The following CYP4F22 variants were observed in gnomAD, a reference collection of about 807,000 sequenced individuals.
The protein encoded by CYP4F22 is cytochrome P450 family 4 subfamily F member 22, also known as ultra-long-chain fatty acid omega-hydroxylase.
In CYP4F22, 37 loss-of-function variants were observed where a neutral mutation model predicts 60.4. The ratio of observed to expected loss-of-function variants is 0.61; its 90% CI spans 0.47 to 0.81. CYP4F22 has a LOEUF of 0.81. Among genes scored for constraint, CYP4F22 ranks in the 30% least tolerant of loss-of-function variants. The pLI, the probability that CYP4F22 is intolerant of heterozygous loss-of-function variation, is 0.00. For synonymous variants in CYP4F22, 258 were observed against 280.5 expected, an observed-to-expected ratio of 0.92 and a Z score of 0.80; for missense variants, 655 against 715.0, an observed-to-expected ratio of 0.92 and a Z score of 0.96.
chr19:15,509,927 T>TTCTTTCTTTCTTTC (rs1232288966), intron 1 of CYP4F22, among the ~76,000 whole-genome samples: 3 of 131,872 alleles, frequency 2.3e-5, no homozygotes. Flanking sequence ...CCTTCCTTCT[T>TTCTTTCTTTCTTTC]TCTTTCTTTC....
intron 10 of CYP4F22, among the ~76,000 whole-genome samples, chr19:15,547,677 G>T (rs1157995678): frequency 6.6e-6 from 1 of 151,920 alleles, no homozygotes; most frequent in Non-Finnish European, 1.5e-5. Flanking sequence ...ACAAAAATTA[G>T]CCGGGTGTGG....
At chr19:15,550,620 G>A in intron 12 of CYP4F22, 54 bp from the exon 13 acceptor site, 1 of 1,591,422 alleles carries the variant, frequency 6.3e-7, no homozygotes. Flanking sequence ...AAGGGGGCCA[G>A]GCTGGGATGT....
In CYP4F22 at chr19:15,552,315, T is replaced by G. The variant is rs1971609010; in HGVS notation, c.*844T>G. 1 of 151,936 alleles carries G rather than the reference T, an allele frequency of 6.6e-6. No homozygotes were observed. Among genetic ancestry groups the G allele is most frequent in the Non-Finnish European group, 1.5e-5 (1 of 68,014 alleles). 9.4% of individuals were successfully genotyped at this position (151,936 alleles called of 1,614,324 possible). ...AGGACATAAACTCAGATTTTGGGGG[T>G]CAGTTTGTGTGTTCATTTATTTCAT... On this transcript the variant is annotated 3_prime_UTR_variant, in exon 14 of 14. Coordinates refer to ENST00000269703, the MANE Select transcript of CYP4F22 (RefSeq NM_173483.4).
At chr19:15,527,823 G>A (rs1278868397) in intron 3 of CYP4F22, among the ~76,000 whole-genome samples, 1 of 152,250 alleles carries the variant, frequency 6.6e-6, no homozygotes, top group Non-Finnish European at 1.5e-5. Context: ...CTCATAGCCT[G>A]TGAAGTGGGG....
intron 1 of CYP4F22, among the ~76,000 whole-genome samples, chr19:15,509,962 C>CTT (rs1159479361): frequency 4.6e-4 from 46 of 99,644 alleles, no homozygotes; most frequent in African/African-American, 1.2e-3. Context: ...CTGTCTCTCT[C>CTT]TCTTTCTTTC....
At chr19:15,516,960 A>C (rs1971162924) in intron 1 of CYP4F22, 1 of 189,210 alleles carries the variant, frequency 5.3e-6, no homozygotes, top group African/African-American at 2.4e-5. Context: ...CTCCCAAGCA[A>C]CTGGGATTAC....
At chr19:15,518,082 A>G (rs1243935290) in intron 1 of CYP4F22, among the ~76,000 whole-genome samples, 2 of 152,120 alleles carry the variant, frequency 1.3e-5, no homozygotes, top group Non-Finnish European at 2.9e-5. Flanking sequence ...CATGCCTAGA[A>G]TCCCAGCACT....
rs773856669 is a variant in CYP4F22, at chr19:15,550,774, C to T, written c.1418+18C>T. 9 of 1,613,482 alleles carry T rather than the reference C, an allele frequency of 5.6e-6. No homozygotes were observed. The highest frequency in any genetic ancestry group is 2.7e-5 in the African/African-American group (2 of 74,910). ...GGACCCAGGTAACCCCTCTATTTCC[C>T]CTAGTCCAAGCCAGCTGTGTAGGAA... is the stretch of plus-strand genomic sequence containing the variant. On this transcript the variant is annotated intron_variant, in intron 13 of 13. Transcript: ENST00000269703.
intron 1 of CYP4F22, among the ~76,000 whole-genome samples, chr19:15,512,356 G>C (rs1343996595): frequency 2.0e-5 from 3 of 152,162 alleles, no homozygotes; most frequent in African/African-American, 4.8e-5. Flanking sequence ...TTTTGAGATA[G>C]AGTCTCACTC....
intron 1 of CYP4F22, among the ~76,000 whole-genome samples, chr19:15,523,181 C>T (rs950919467): frequency 6.6e-6 from 1 of 151,380 alleles, no homozygotes; most frequent in Non-Finnish European, 1.5e-5. Flanking sequence ...ATGGTGAAAC[C>T]CCGTCTCTAT....
chr19:15,515,322 T>C, intron 1 of CYP4F22: 2 of 1,179,088 alleles, frequency 1.7e-6, no homozygotes, highest in East Asian at 2.9e-5. Flanking sequence ...TTTATAATGG[T>C]TCATGGCCAG....
intron 1 of CYP4F22, chr19:15,516,749 A>G: frequency 3.1e-6 from 2 of 642,590 alleles, no homozygotes; most frequent in Non-Finnish European, 2.6e-6. Flanking sequence ...TTCAACCTGG[A>G]ATCCCTGGAC....
At chr19:15,520,761 G>T (rs1348292602) in intron 1 of CYP4F22, among the ~76,000 whole-genome samples, 7 of 141,310 alleles carry the variant, frequency 5.0e-5, no homozygotes, top group East Asian at 2.2e-4. Flanking sequence ...CTAATATTTT[G>T]TTTTGTTTTT....
chr19:15,511,699 G>T (rs1315846590), intron 1 of CYP4F22, among the ~76,000 whole-genome samples: 3 of 152,172 alleles, frequency 2.0e-5, no homozygotes, highest in Non-Finnish European at 4.4e-5. Flanking sequence ...CAGCGTTGGG[G>T]TGCTCTTCCA....
chr19:15,511,764 T>C (rs1971094888), intron 1 of CYP4F22, among the ~76,000 whole-genome samples: 1 of 152,214 alleles, frequency 6.6e-6, no homozygotes. Context: ...ATGTATCTCG[T>C]ACCTGGCGTC....
intron 10 of CYP4F22, among the ~76,000 whole-genome samples, chr19:15,545,853 G>A (rs1350420561): frequency 6.6e-6 from 1 of 151,984 alleles, no homozygotes; most frequent in Non-Finnish European, 1.5e-5. Context: ...TAAACAAGTG[G>A]AGAAGATGTC....
chr19:15,551,453 G>A lies in CYP4F22; in HGVS notation c.1578G>A (p.Pro526=). 1 of 1,565,538 alleles carries A rather than the reference G, an allele frequency of 6.4e-7. No homozygotes were observed. Among genetic ancestry groups the A allele is most frequent in the Non-Finnish European group, 8.7e-7 (1 of 1,155,894 alleles). ...ACGGGCTCTGGCTCAAGGTGGAGCC[G>A]CTGCCTCCGCGGGCCTGAGCGTGGG... ...TENGLWLKVE[P]LPPRA The change falls in exon 14 of 14, where the codon CCG becomes CCA. Residue 526 remains proline (P), a synonymous_variant. Coordinates refer to ENST00000269703, the MANE Select transcript of CYP4F22 (RefSeq NM_173483.4).
chr19:15,521,233 T>G (rs1971221597), intron 1 of CYP4F22, among the ~76,000 whole-genome samples: 2 of 26,830 alleles, frequency 7.5e-5, no homozygotes, highest in African/African-American at 2.2e-4. Context: ...ACTTCCACCT[T>G]TTTTTTTTTT....
At chr19:15,513,124 A>C (rs1971111246) in intron 1 of CYP4F22, among the ~76,000 whole-genome samples, 1 of 152,068 alleles carries the variant, frequency 6.6e-6, no homozygotes, top group Middle Eastern at 3.2e-3. Context: ...TCGCAGGGGT[A>C]CCAGGCTTTC....
Sources: gnomAD v4.1 joint callset for allele counts (sites outside exome capture counted in the v4.1 genomes callset) on GRCh38, gnomAD v4.1.1 for gene constraint, MANE v1.5 for transcripts, NCBI Gene and HGNC (gene_info 2026-07-23, HGNC 2026-07-21) for gene names.